CCBE1: variants seen among roughly 807,000 people sequenced by gnomAD.
CCBE1 encodes the protein collagen and calcium binding EGF domains 1.
In CCBE1, 37 loss-of-function variants were observed where a neutral mutation model predicts 50.0. The observed-to-expected ratio is 0.74, with a 90% CI of 0.57 to 0.97. CCBE1 has a LOEUF of 0.97. Ranked by LOEUF, CCBE1 falls within the 50% of genes least tolerant of loss-of-function variation. CCBE1 has a pLI of 0.00. For synonymous variants in CCBE1, 234 were observed against 203.7 expected (o/e 1.15, Z -1.27); for missense variants, 538 against 523.8 (o/e 1.03, Z -0.26).
intron 2 of CCBE1, among the ~76,000 whole-genome samples, chr18:59,632,399 C>T (rs2053861097): frequency 6.6e-6 from 1 of 152,006 alleles, no homozygotes; most frequent in South Asian, 2.1e-4. Context: ...CGTGCCTCAG[C>T]CTCAGCTAGG....
At chr18:59,560,664 T>C (rs2052722710) in intron 2 of CCBE1, among the ~76,000 whole-genome samples, 1 of 152,116 alleles carries the variant, frequency 6.6e-6, no homozygotes. Flanking sequence ...GCAGGGTGTG[T>C]TCATGAGTAA....
At chr18:59,561,621 T>C (rs1054635353) in intron 2 of CCBE1, among the ~76,000 whole-genome samples, 2 of 152,304 alleles carry the variant, frequency 1.3e-5, no homozygotes, top group South Asian at 4.1e-4. Context: ...CTTGGGCTCT[T>C]GGGGCTTGGC....
intron 2 of CCBE1, among the ~76,000 whole-genome samples, chr18:59,504,796 C>G (rs1473810850): frequency 1.3e-5 from 2 of 152,272 alleles, no homozygotes; most frequent in East Asian, 3.9e-4. Context: ...TTTCCTCCTC[C>G]TCTTTGATGC....
chr18:59,491,585 G>A (rs753306025), intron 2 of CCBE1, among the ~76,000 whole-genome samples: 17 of 150,686 alleles, frequency 1.1e-4, no homozygotes, highest in African/African-American at 1.7e-4. Flanking sequence ...AAGCCAAGGC[G>A]GGCGGATCAC....
At position 59,438,124 on chromosome 18, in the gene CCBE1, G is replaced by C; in HGVS notation, c.974C>G (p.Pro325Arg). ...GSKGERGAPGPRGSPGPPGSF... is the reference protein window; with the variant it reads ...GSKGERGAPGRRGSPGPPGSF... ...AGTGCTACTTACTGGAGACCCTCTG[G>C]GCCCAGGCGCTCCTCTCTCCCCCTA... Residue 325 changes from proline (P) to arginine (R), a missense_variant, in exon 10 of 11, where the codon CCC (proline) becomes CGC (arginine). Pro to Arg is a moderately radical substitution (Grantham distance 103, BLOSUM62 -2). Transcript: ENST00000439986. 1.9e-6 allele frequency: 3 copies of C among 1,614,064 alleles called. No individual in the cohort carries two copies. Among genetic ancestry groups the C allele is most frequent in the Non-Finnish European group, 2.5e-6 (3 of 1,180,020 alleles).
chr18:59,668,089 C>G (rs2054379701), intron 2 of CCBE1, among the ~76,000 whole-genome samples: 1 of 152,000 alleles, frequency 6.6e-6, no homozygotes, highest in Non-Finnish European at 1.5e-5. Context: ...AACAAACCTG[C>G]ACATTCTGCA....
At chr18:59,676,204 T>C (rs553136710) in intron 2 of CCBE1, among the ~76,000 whole-genome samples, 1 of 152,376 alleles carries the variant, frequency 6.6e-6, no homozygotes, top group East Asian at 1.9e-4. Flanking sequence ...TCACGTTATA[T>C]ACTGTTCTTT....
intron 9 of CCBE1, 121 bp downstream of exon 9, chr18:59,439,422 G>A (rs564503938): frequency 2.5e-6 from 3 of 1,200,960 alleles, no homozygotes; most frequent in African/African-American, 1.5e-5. Flanking sequence ...AGCCAAGATT[G>A]TGCCATTGCA....
intron 2 of CCBE1, among the ~76,000 whole-genome samples, chr18:59,645,530 C>A (rs1291836979): frequency 6.6e-6 from 1 of 152,200 alleles, no homozygotes; most frequent in African/African-American, 2.4e-5. Flanking sequence ...ATATCCCATT[C>A]CATCAAGGTC....
chr18:59,658,386 T>A lies in CCBE1; in HGVS notation c.212+38243A>T, dbSNP rs3966073. On this transcript the variant is annotated intron_variant, in intron 2 of 10. Coordinates refer to ENST00000439986, the MANE Select transcript of CCBE1 (RefSeq NM_133459.4). Reference sequence around the variant, plus strand: ...ATATATATATATATATATATATATATATATATATATATATATATATATATA... The same window carrying A: ...ATATATATATATATATATATATATAAATATATATATATATATATATATATA... Among the ~76,000 whole-genome samples the A allele has an allele frequency of 7.6e-4, 20 of 26,300 alleles. 3 individuals are homozygous for A. The East Asian group carries it at 0.011, about 14-fold the overall frequency. 17.3% of individuals were successfully genotyped at this position (26,300 alleles called of 152,430 possible). A position where few individuals can be genotyped will look rare whatever the true frequency, so the allele number is the denominator to read the frequency against.
intron 4 of CCBE1, among the ~76,000 whole-genome samples, chr18:59,468,114 G>A (rs1197417849): frequency 1.3e-5 from 2 of 152,200 alleles, no homozygotes; most frequent in Non-Finnish European, 2.9e-5. Context: ...GGGGCTGGGT[G>A]CGGTGGCTCA....
Position 59,482,346 on chromosome 18 carries a change from A to G in CCBE1, c.213-2108T>C, listed in dbSNP as rs147438037. Among the ~76,000 whole-genome samples the G allele has an allele frequency of 5.5e-3, 831 of 152,332 alleles. 3 individuals are homozygous for G. Among genetic ancestry groups the G allele is most frequent in the African/African-American group, 0.019 (779 of 41,572 alleles). On this transcript the variant is annotated intron_variant, in intron 2 of 10. Coordinates refer to ENST00000439986, the MANE Select transcript of CCBE1 (RefSeq NM_133459.4). ...ATAGGAACATTTTTACACTGTTGGT[A>G]GGAGTGTAAATTAGTTCAACCATTG...
intron 2 of CCBE1, among the ~76,000 whole-genome samples, chr18:59,621,720 CCT>C (rs2053712696): frequency 6.6e-6 from 1 of 152,200 alleles, no homozygotes; most frequent in Non-Finnish European, 1.5e-5. Context: ...GCCTAACCAC[CCT>C]CTGTCACTTA....
chr18:59,589,128 G>A (rs965501567), intron 2 of CCBE1, among the ~76,000 whole-genome samples: 6 of 152,132 alleles, frequency 3.9e-5, no homozygotes, highest in African/African-American at 1.4e-4. Flanking sequence ...GGATCCCTGT[G>A]GACAGGGAAA....
intron 2 of CCBE1, among the ~76,000 whole-genome samples, chr18:59,510,692 G>A (rs1914093980): frequency 6.6e-6 from 1 of 152,196 alleles, no homozygotes; most frequent in Non-Finnish European, 1.5e-5. Context: ...AAAGTGCTGG[G>A]ATTACAGGCA....
intron 2 of CCBE1, among the ~76,000 whole-genome samples, chr18:59,596,393 C>T (rs73961274): frequency 0.082 from 12,528 of 152,108 alleles, 1,485 homozygotes; most frequent in African/African-American, 0.26. Context: ...GAAGGTGTCA[C>T]GGGACTGTAA....
intron 2 of CCBE1, among the ~76,000 whole-genome samples, chr18:59,646,954 C>T (rs534050699): frequency 1.1e-3 from 172 of 152,306 alleles, no homozygotes; most frequent in Non-Finnish European, 2.0e-3. Flanking sequence ...ACTCTGGGGA[C>T]CACCAGCCTC....
Position 59,610,115 on chromosome 18 carries a change from G to A in CCBE1, c.212+86514C>T, listed in dbSNP as rs553366855. Among the ~76,000 whole-genome samples the A allele has an allele frequency of 2.0e-5, 3 of 152,308 alleles. No individual in the cohort carries two copies. The East Asian group carries it at 5.8e-4, about 29-fold the overall frequency. ...CTGTCACTTTGGGATACATGCTTAA[G>A]TTTAAAAGTAGAGGAAAGTACATGG... is the stretch of plus-strand genomic sequence containing the variant. On this transcript the variant is annotated intron_variant, in intron 2 of 10. Transcript: ENST00000439986.
chr18:59,444,128 C>G (rs1309998801), intron 7 of CCBE1, among the ~76,000 whole-genome samples: 1 of 121,950 alleles, frequency 8.2e-6, no homozygotes, highest in African/African-American at 4.1e-5. Context: ...TTTTGTTTTT[C>G]CATTCTTATC....
Sources: allele counts gnomAD v4.1 joint callset (sites outside exome capture counted in the v4.1 genomes callset), GRCh38; gene constraint gnomAD v4.1.1; transcripts MANE v1.5; gene names NCBI Gene and HGNC (gene_info 2026-07-23, HGNC 2026-07-21).